IQCF3: variants seen among roughly 807,000 people sequenced by gnomAD.
IQCF3 encodes the protein IQ domain-containing protein F3.
A neutral mutation model predicts 5.1 loss-of-function variants in IQCF3; 7 were observed. The ratio of observed to expected loss-of-function variants is 1.36; its 90% CI spans 0.78 to 2.56. The LOEUF (loss-of-function observed/expected upper bound fraction) is 2.56, where lower values mean the gene tolerates loss of function less well. Among genes scored for constraint, IQCF3 ranks in the 30% most tolerant of loss-of-function variants. The pLI is 0.00. For missense variants in IQCF3, 189 were observed against 196.5 expected, an observed-to-expected ratio of 0.96 and a Z score of 0.23; for synonymous variants, 82 against 72.8, an observed-to-expected ratio of 1.13 and a Z score of -0.64.
upstream of IQCF3, chr3:51,827,096 T>G (rs546221559): frequency 4.6e-5 from 7 of 152,508 alleles, no homozygotes; most frequent in African/African-American, 1.7e-4. Context: ...TTATCCAAGT[T>G]TTGGTGGAAA....
In IQCF3 at chr3:51,829,664, G is replaced by A. The variant is rs770769725; in HGVS notation, c.19-1G>A. On this transcript the variant is annotated splice_acceptor_variant, in intron 1 of 2. Coordinates refer to ENST00000440739, the MANE Select transcript of IQCF3 (RefSeq NM_001393887.1). LOFTEE classifies it high-confidence loss of function. ...CCCCCACACCCATATTCCGATTGCA[G>A]AAAGGTGGTCCAGATGAAGATGCAG... The A allele has an allele frequency of 3.1e-6, 5 of 1,613,690 alleles. No individual in the cohort carries two copies. In the African/African-American group the frequency reaches 5.3e-5, roughly 17 times the overall value.
chr3:51,830,606 GCAGGCGACGGTCAAGCTC>G lies in IQCF3; in HGVS notation c.274_291del (p.Ala92_Gln97del), dbSNP rs1698354315. 1 of 1,613,956 alleles carries G rather than the reference GCAGGCGACGGTCAAGCTC, an allele frequency of 6.2e-7. No individual in the cohort carries two copies. The highest frequency in any genetic ancestry group is 1.3e-5 in the African/African-American group (1 of 75,038). ...TGTTGAGGGTCTACGTCATCCAGGA[GCAGGCGACGGTCAAGCTC>G]CAGTCCTGCATCCGCATGTGGCAGT... On this transcript the variant is annotated inframe_deletion, in exon 3 of 3. Transcript: ENST00000440739. This position sits in a 1 kb window ranked among gnomAD's most constrained non-coding sequence, Gnocchi z 4.1.
Position 51,830,502 on chromosome 3 carries a change from G to A in IQCF3, c.166G>A (p.Ala56Thr). The A allele has an allele frequency of 6.2e-7, 1 of 1,613,960 alleles. No individual in the cohort carries two copies. The highest frequency in any genetic ancestry group is 8.5e-7 in the Non-Finnish European group (1 of 1,179,866). Reference protein sequence around the residue: ...GVLVRRTLLVAALRAWMIQCW... With the variant: ...GVLVRRTLLVTALRAWMIQCW... ...CCTGGTGCGCAGGACCCTGCTGGTT[G>A]CTGCCCTCAGGGCCTGGATGATTCA... Residue 56 changes from alanine to threonine, a missense_variant, in exon 3 of 3, where the codon GCT (alanine) becomes ACT (threonine). By Grantham distance (58) the Ala-to-Thr change is moderately conservative. Transcript: ENST00000440739. This position sits in a 1 kb window ranked among gnomAD's most constrained non-coding sequence, Gnocchi z 4.1.
At chr3:51,826,920 G>A (rs764218866), upstream of IQCF3, 2 of 152,534 alleles carry the variant, frequency 1.3e-5, no homozygotes, top group African/African-American at 4.8e-5. Flanking sequence ...CCTGCAACAC[G>A]TGGGATCCAG....
chr3:51,827,362 A>T (rs1423945645), upstream of IQCF3: 3 of 152,218 alleles, frequency 2.0e-5, no homozygotes, highest in Non-Finnish European at 4.4e-5. Context: ...TATCTAAAAG[A>T]GAAAATAATT....
chr3:51,830,024 C>T lies in IQCF3; in HGVS notation c.66+312C>T, dbSNP rs558945180. ...GAGACCCCAAAGGGCTGCAGCACCA[C>T]GCAAGACATTAGGAGGCAGCATCAT... is the stretch of plus-strand genomic sequence containing the variant. On this transcript the variant is annotated intron_variant, in intron 2 of 2. Coordinates refer to ENST00000440739, the MANE Select transcript of IQCF3 (RefSeq NM_001393887.1). This position sits in a 1 kb window ranked among gnomAD's most constrained non-coding sequence, Gnocchi z 4.1. 8.5e-5 allele frequency among the ~76,000 whole-genome samples: 13 copies of T among 152,250 alleles called. 1 individual carries two copies. In the East Asian group the frequency reaches 1.2e-3, roughly 14 times the overall value.
rs770889592 is a variant in IQCF3, at chr3:51,830,607, C to T, written c.271C>T (p.Gln91Ter). The change falls in exon 3 of 3, where the codon CAG (glutamine) becomes TAG (stop). Residue 91 changes from glutamine (Q) to a stop codon, truncating the protein, a stop_gained. Coordinates refer to ENST00000440739, the MANE Select transcript of IQCF3 (RefSeq NM_001393887.1). LOFTEE classifies it low-confidence loss of function (END_TRUNC). This position sits in a 1 kb window ranked among gnomAD's most constrained non-coding sequence, Gnocchi z 4.1. ...ALLRVYVIQE[Q>*]ATVKLQSCIR... ...GTTGAGGGTCTACGTCATCCAGGAG[C>T]AGGCGACGGTCAAGCTCCAGTCCTG... The T allele has an allele frequency of 4.3e-6, 7 of 1,613,890 alleles. No individual in the cohort carries two copies. The Admixed American group carries it at 6.7e-5, about 15-fold the overall frequency.
At position 51,829,571 on chromosome 3, in the gene IQCF3, G is replaced by C. The variant is rs1395667901; in HGVS notation, c.18+78G>C. 9 of 1,591,496 alleles carry C rather than the reference G, an allele frequency of 5.7e-6. No individual in the cohort carries two copies. The Admixed American group carries it at 1.6e-4, about 28-fold the overall frequency. The stretch of plus-strand genomic sequence containing the variant: ...AGGAAAGCACCAGGCCACTTCTTAG[G>C]ACCCAGGCAAAGAATGGGGAACTGG... On this transcript the variant is annotated intron_variant, in intron 1 of 2. Transcript: ENST00000440739.
At position 51,830,750 on chromosome 3, in the gene IQCF3, T is replaced by C; in HGVS notation, c.414T>C (p.Tyr138=). The C allele has an allele frequency of 6.2e-7, 1 of 1,608,218 alleles. No individual in the cohort carries two copies. The highest frequency in any genetic ancestry group is 8.5e-7 in the Non-Finnish European group (1 of 1,176,264). The change falls in exon 3 of 3, where the codon TAT becomes TAC. Residue 138 remains tyrosine (Y), a synonymous_variant. Coordinates refer to ENST00000440739, the MANE Select transcript of IQCF3 (RefSeq NM_001393887.1). The surrounding 1 kb of genome is among the most constrained non-coding windows in gnomAD (Gnocchi z 4.1). ...FQTDGFLQVQ[Y]AIPSKQPEFH... is the part of the protein sequence containing the mutation. ...CTGATGGCTTTTTACAGGTCCAATATGCAATCCCTTCAAAGCAGCCAGAGT... is the reference window on the plus strand; with the variant it reads ...CTGATGGCTTTTTACAGGTCCAATACGCAATCCCTTCAAAGCAGCCAGAGT...
chr3:51,830,855 G>C lies in IQCF3; in HGVS notation c.*54G>C, dbSNP rs1698360999. 1 of 1,492,476 alleles carries C rather than the reference G, an allele frequency of 6.7e-7. No individual in the cohort carries two copies. Among genetic ancestry groups the C allele is most frequent in the Non-Finnish European group, 8.9e-7 (1 of 1,117,376 alleles). The allele number at this position is 1,492,476 out of a possible 1,614,324, so 92.5% of individuals were successfully genotyped here. A position where few individuals can be genotyped will look rare whatever the true frequency, so the allele number is the denominator to read the frequency against. ...ACTACCCTAATAAATGTCTGACCAGGTTGTGTGAGTCTCAGTGATTCCCCT... is the reference window on the plus strand; with the variant it reads ...ACTACCCTAATAAATGTCTGACCAGCTTGTGTGAGTCTCAGTGATTCCCCT... On this transcript the variant is annotated 3_prime_UTR_variant, in exon 3 of 3. Coordinates refer to ENST00000440739, the MANE Select transcript of IQCF3 (RefSeq NM_001393887.1). The surrounding 1 kb of genome is among the most constrained non-coding windows in gnomAD (Gnocchi z 4.1).
At chr3:51,829,300 G>A (rs2107193620), upstream of IQCF3, 1 of 663,168 alleles carries the variant, frequency 1.5e-6, no homozygotes, top group East Asian at 2.7e-5. Context: ...GTCAACAGGA[G>A]AGCCAGGTAT....
upstream of IQCF3, chr3:51,828,306 G>A (rs1437906073): frequency 6.6e-6 from 1 of 151,266 alleles, no homozygotes; most frequent in Non-Finnish European, 1.5e-5. Context: ...TTGGCTGTGG[G>A]TTTGTCATAT....
Position 51,830,751 on chromosome 3 carries a change from G to T in IQCF3, c.415G>T (p.Ala139Ser). 6.2e-7 allele frequency: 1 copy of T among 1,607,956 alleles called. No homozygotes were observed. The highest frequency in any genetic ancestry group is 2.2e-5 in the East Asian group (1 of 44,790). ...QTDGFLQVQYAIPSKQPEFHI... is the reference protein window; with the variant it reads ...QTDGFLQVQYSIPSKQPEFHI... ...TGATGGCTTTTTACAGGTCCAATAT[G>T]CAATCCCTTCAAAGCAGCCAGAGTT... The change falls in exon 3 of 3, where the codon GCA (alanine) becomes TCA (serine). Residue 139 changes from alanine (A) to serine (S), a missense_variant. By Grantham distance (99) the Ala-to-Ser change is moderately conservative. Transcript: ENST00000440739. The surrounding 1 kb of genome is among the most constrained non-coding windows in gnomAD (Gnocchi z 4.1).
chr3:51,827,395 G>A (rs1410243423), upstream of IQCF3: 1 of 152,090 alleles, frequency 6.6e-6, no homozygotes, highest in Non-Finnish European at 1.5e-5. Flanking sequence ...TGTTATAGAG[G>A]TAAATCATAG....
chr3:51,829,966 T>C, intron 2 of IQCF3: 1 of 533,548 alleles, frequency 1.9e-6, no homozygotes, highest in East Asian at 3.1e-5. Flanking sequence ...GACTGAGACA[T>C]GGTAGTGGAA....
rs1240519591 is a variant in IQCF3 at position 51,830,415 on chromosome 3, C to T, written c.79C>T (p.Gln27Ter). 6.5e-7 allele frequency: 1 copy of T among 1,543,096 alleles called. No homozygotes were observed. The highest frequency in any genetic ancestry group is 1.4e-5 in the African/African-American group (1 of 72,510). ...RQRRQKLLLA[Q>*]LHHRKRVKAA... Reference sequence around the variant, plus strand: ...TTTGCTTGGCCAGTTGCTTCTTGCACAACTGCATCACAGAAAAAGGGTGAA... The same window carrying T: ...TTTGCTTGGCCAGTTGCTTCTTGCATAACTGCATCACAGAAAAAGGGTGAA... The change falls in exon 3 of 3, where the codon CAA (glutamine) becomes TAA (stop). Residue 27 changes from glutamine to a stop codon, truncating the protein, a stop_gained. Transcript: ENST00000440739. LOFTEE classifies it low-confidence loss of function (END_TRUNC). This position sits in a 1 kb window ranked among gnomAD's most constrained non-coding sequence, Gnocchi z 4.1.
At chr3:51,828,122 T>C (rs1429781008), upstream of IQCF3, 1 of 152,118 alleles carries the variant, frequency 6.6e-6, no homozygotes. Context: ...TTGTGGGATG[T>C]GACCTATTTT....
chr3:51,828,984 G>A (rs573941359), upstream of IQCF3, among the ~76,000 whole-genome samples: 254 of 152,172 alleles, frequency 1.7e-3, 1 homozygote, highest in Non-Finnish European at 2.9e-3. Flanking sequence ...TGTGGGGTCC[G>A]TGGTAACATC....
rs1698334258 is a variant in IQCF3 at position 51,829,464 on chromosome 3, C to T, written c.-12C>T. 6.3e-7 allele frequency: 1 copy of T among 1,596,522 alleles called. No homozygotes were observed. ...CAGAGGGAGATGATCACCTGAACCA[C>T]TGCTCCAAACCATGGGCAGTAAATG... On this transcript the variant is annotated 5_prime_UTR_variant, in exon 1 of 3. Coordinates refer to ENST00000440739, the MANE Select transcript of IQCF3 (RefSeq NM_001393887.1).
Sources: allele counts gnomAD v4.1 joint callset (sites outside exome capture counted in the v4.1 genomes callset), GRCh38; gene constraint gnomAD v4.1.1; non-coding constraint Gnocchi (gnomAD v3.1); transcripts MANE v1.5; gene names NCBI Gene and HGNC (gene_info 2026-07-23, HGNC 2026-07-21).